ATP2B3: variants seen among roughly 807,000 people sequenced by gnomAD.
ATP2B3 encodes plasma membrane calcium-transporting ATPase 3.
A neutral mutation model predicts 70.8 loss-of-function variants in ATP2B3; 12 were observed. That is an observed-to-expected ratio of 0.17 (90% CI 0.11 to 0.27). The LOEUF (loss-of-function observed/expected upper bound fraction) is 0.27, where lower values mean the gene tolerates loss of function less well. Among genes scored for constraint, ATP2B3 ranks in the 10% least tolerant of loss-of-function variants. The pLI, the probability that ATP2B3 is intolerant of heterozygous loss-of-function variation, is 1.00. For synonymous variants in ATP2B3, 460 were observed against 497.8 expected, an observed-to-expected ratio of 0.92 and a Z score of 1.01; for missense variants, 858 against 1,118.5, an observed-to-expected ratio of 0.77 and a Z score of 3.32.
chrX:153,570,584 T>C (rs782569094), intron 21 of ATP2B3, among the ~76,000 whole-genome samples: 31 of 112,450 alleles, frequency 2.8e-4, no homozygotes, highest in Admixed American at 1.7e-3. Flanking sequence ...ACTACCCTGA[T>C]GGGAGAGAAT....
chrX:153,573,267 G>A (rs144371889), intron 21 of ATP2B3, among the ~76,000 whole-genome samples: 8,816 of 112,095 alleles, frequency 0.079, 597 homozygotes, highest in African/African-American at 0.22. Context: ...ACCGGGCCAC[G>A]TGAGTCCCAG....
At chrX:153,523,281 G>A (rs187533524) in intron 2 of ATP2B3, among the ~76,000 whole-genome samples, 10 of 112,648 alleles carry the variant, frequency 8.9e-5, no homozygotes, top group African/African-American at 3.2e-4. Context: ...AAGCACCCGG[G>A]ATGTATCAGG....
At chrX:153,530,564 C>T (rs930583367) in intron 2 of ATP2B3, among the ~76,000 whole-genome samples, 3 of 112,623 alleles carry the variant, frequency 2.7e-5, no homozygotes, top group African/African-American at 9.7e-5. Context: ...TGTCTTTCTG[C>T]GGCACCCGGC....
chrX:153,577,466 G>A (rs1460964245), intron 21 of ATP2B3, among the ~76,000 whole-genome samples: 4 of 112,660 alleles, frequency 3.6e-5, no homozygotes, highest in African/African-American at 1.3e-4. Flanking sequence ...GACTTGATGG[G>A]CAACAGCTTT....
rs1369968545 is a variant in ATP2B3, at chrX:153,560,812, C to T, written c.2976C>T (p.Gly992=). 9 of 1,211,981 alleles carry T rather than the reference C, an allele frequency of 7.4e-6. No homozygotes were observed. Among genetic ancestry groups the T allele is most frequent in the South Asian group, 7.0e-5 (4 of 56,997 alleles). The change falls in exon 19 of 22, where the codon GGC becomes GGT. Residue 992 remains glycine (G), a synonymous_variant. Transcript: ENST00000263519. ...FNEINARKIH[G]ERNVFDGIFS... ...AGATCAACGCCCGCAAGATCCACGGCGAGAGGAACGTGTTCGACGGCATCT... is the reference window on the plus strand; with the variant it reads ...AGATCAACGCCCGCAAGATCCACGGTGAGAGGAACGTGTTCGACGGCATCT...
At chrX:153,543,224 C>G (rs1416216116) in intron 7 of ATP2B3, 56 bp downstream of exon 7, 97 of 1,157,943 alleles carry the variant, frequency 8.4e-5, no homozygotes, top group Non-Finnish European at 1.1e-4. Flanking sequence ...TCCACGCTGC[C>G]CATTCTTTCT....
chrX:153,562,209 G>A lies in ATP2B3; in HGVS notation c.3126G>A (p.Leu1042=). Residue 1042 remains leucine (L), a synonymous_variant, in exon 20 of 22, where the codon CTG becomes CTA. Transcript: ENST00000263519. ...CCACAGAACAGTGGCTCTGGTGCCT[G>A]TTTGTTGGTGTTGGGGAGCTGGTCT... ...PLSTEQWLWC[L]FVGVGELVWG... is the part of the protein sequence containing the mutation. 8.3e-7 allele frequency: 1 copy of A among 1,211,820 alleles called. No individual in the cohort carries two copies. The highest frequency in any genetic ancestry group is 2.2e-5 in the Admixed American group (1 of 46,118).
chrX:153,536,382 G>C lies in ATP2B3; in HGVS notation c.135G>C (p.Ala45=), dbSNP rs144995459. ...RTLMELRGAE[A]LQKIEEAYGD... is the part of the protein sequence containing the mutation. ...TCATGGAGCTGCGAGGGGCCGAGGCGCTGCAGAAGATCGAGGAGGCCTACG... is the reference window on the plus strand; with the variant it reads ...TCATGGAGCTGCGAGGGGCCGAGGCCCTGCAGAAGATCGAGGAGGCCTACG... The change falls in exon 3 of 22, where the codon GCG becomes GCC. Residue 45 remains alanine (A), a synonymous_variant. Coordinates refer to ENST00000263519, the MANE Select transcript of ATP2B3 (RefSeq NM_001001344.3). 8.3e-7 allele frequency: 1 copy of C among 1,204,145 alleles called. No homozygotes were observed. Among genetic ancestry groups the C allele is most frequent in the Non-Finnish European group, 1.1e-6 (1 of 892,702 alleles).
chrX:153,534,562 A>G (rs1315025351), intron 2 of ATP2B3, among the ~76,000 whole-genome samples: 1 of 112,073 alleles, frequency 8.9e-6, no homozygotes, highest in Non-Finnish European at 1.9e-5. Flanking sequence ...CTAGAGAGGG[A>G]CGGGGTTAGT....
At chrX:153,569,382 C>T in intron 21 of ATP2B3, 1 of 534,910 alleles carries the variant, frequency 1.9e-6, no homozygotes, top group Non-Finnish European at 3.4e-6. Context: ...TGACCACTAA[C>T]CATCTGCTCA....
intron 7 of ATP2B3, among the ~76,000 whole-genome samples, chrX:153,545,139 C>T (rs782023454): frequency 1.1e-3 from 120 of 112,946 alleles, no homozygotes; most frequent in Middle Eastern, 4.6e-3. Context: ...ATCCCAACCC[C>T]AACTGCCTGG....
At chrX:153,534,714 T>C (rs1393578274) in intron 2 of ATP2B3, among the ~76,000 whole-genome samples, 1 of 112,972 alleles carries the variant, frequency 8.9e-6, no homozygotes, top group Non-Finnish European at 1.9e-5. Flanking sequence ...CACATGGCCA[T>C]CATTTTGTCC....
chrX:153,572,391 A>G (rs2090802025), intron 21 of ATP2B3, among the ~76,000 whole-genome samples: 1 of 112,692 alleles, frequency 8.9e-6, no homozygotes, highest in Non-Finnish European at 1.9e-5. Context: ...CTCCGTCCCA[A>G]GCCTTTCCTA....
In ATP2B3 at chrX:153,580,387, C is replaced by A. The variant is rs2090909651; in HGVS notation, c.*89C>A. 1.1e-6 allele frequency: 1 copy of A among 894,683 alleles called. No homozygotes were observed. Among genetic ancestry groups the A allele is most frequent in the Non-Finnish European group, 1.5e-6 (1 of 650,203 alleles). The allele number at this position is 894,683 out of a possible 1,213,427, so 73.7% of individuals were successfully genotyped here. ...ATGCACGCACACACACATATGGGGACCTGCACACCTGCAAAACGAGGGAAC... is the reference window on the plus strand; with the variant it reads ...ATGCACGCACACACACATATGGGGAACTGCACACCTGCAAAACGAGGGAAC... On this transcript the variant is annotated 3_prime_UTR_variant, in exon 22 of 22. Transcript: ENST00000263519.
rs1304007135 is a variant in ATP2B3 at position 153,581,223 on chromosome X, A to AG, written c.*930dup. On this transcript the variant is annotated 3_prime_UTR_variant, in exon 22 of 22. Coordinates refer to ENST00000263519, the MANE Select transcript of ATP2B3 (RefSeq NM_001001344.3). ...TGAGATTCCCAAGGAGAAGGCCGAG[A>AG]GGGGGCGCTCCAGGTCTGGAGCAGG... 9.1e-6 allele frequency: 1 copy of AG among 110,330 alleles called. No individual in the cohort carries two copies. The highest frequency in any genetic ancestry group is 1.9e-5 in the Non-Finnish European group (1 of 52,756). 9.1% of individuals were successfully genotyped at this position (110,330 alleles called of 1,213,427 possible). A position where few individuals can be genotyped will look rare whatever the true frequency, so the allele number is the denominator to read the frequency against.
chrX:153,522,326 C>G (rs1556998094), intron 2 of ATP2B3, among the ~76,000 whole-genome samples: 1 of 112,352 alleles, frequency 8.9e-6, no homozygotes, highest in Non-Finnish European at 1.9e-5. Context: ...CCTCCTGGAG[C>G]CTTTGTGCTT....
At chrX:153,530,635 C>T in intron 2 of ATP2B3, among the ~76,000 whole-genome samples, 1 of 111,114 alleles carries the variant, frequency 9.0e-6, no homozygotes, top group South Asian at 3.8e-4. Flanking sequence ...AAGGTGGCCC[C>T]TCCGGGGCTG....
intron 9 of ATP2B3, 94 bp from the exon 10 acceptor site, chrX:153,548,546 C>T (rs781789076): frequency 6.2e-4 from 513 of 826,925 alleles, no homozygotes; most frequent in Non-Finnish European, 8.2e-4. Context: ...CAAATGCCTC[C>T]GAGACCGTGT....
intron 21 of ATP2B3, among the ~76,000 whole-genome samples, chrX:153,571,898 T>C (rs1293868845): frequency 8.9e-6 from 1 of 112,764 alleles, no homozygotes. Context: ...AGGAAGATGC[T>C]GGCTGGGGAC....
Sources: allele counts gnomAD v4.1 joint callset (sites outside exome capture counted in the v4.1 genomes callset), GRCh38; gene constraint gnomAD v4.1.1; transcripts MANE v1.5; gene names NCBI Gene and HGNC (gene_info 2026-07-23, HGNC 2026-07-21).